The following MICU1 variants were observed in gnomAD, a reference collection of about 807,000 sequenced individuals.
The protein encoded by MICU1 is mitochondrial calcium uptake 1.
A neutral mutation model predicts 56.8 loss-of-function variants in MICU1; 45 were observed. That is an observed-to-expected ratio of 0.79 (90% CI 0.62 to 1.02). MICU1 has a LOEUF of 1.02. MICU1 is among the 50% of genes least tolerant of loss of function. The probability of loss-of-function intolerance (pLI) is 0.00; values close to 1 mark genes in which losing one functional copy is unlikely to be tolerated. For synonymous variants in MICU1, 186 were observed against 195.1 expected, an observed-to-expected ratio of 0.95 and a Z score of 0.39; for missense variants, 504 against 587.1, an observed-to-expected ratio of 0.86 and a Z score of 1.46.
intron 8 of MICU1, among the ~76,000 whole-genome samples, chr10:72,444,951 A>T (rs1865062574): frequency 6.6e-6 from 1 of 152,228 alleles, no homozygotes; most frequent in Non-Finnish European, 1.5e-5. Flanking sequence ...GTGATACTTC[A>T]TTAGAATTGG....
intron 2 of MICU1, among the ~76,000 whole-genome samples, chr10:72,563,913 G>A (rs530874496): frequency 1.6e-4 from 24 of 152,108 alleles, no homozygotes; most frequent in Non-Finnish European, 2.9e-4. Context: ...GAAAAAAATG[G>A]TTAAGATGTA....
intron 1 of MICU1, among the ~76,000 whole-genome samples, chr10:72,621,255 T>TC (rs1842097445): frequency 6.6e-6 from 1 of 152,064 alleles, no homozygotes; most frequent in Non-Finnish European, 1.5e-5. Context: ...CCCAGCACTT[T>TC]GGCTAGCAGA....
At chr10:72,409,238 G>C (rs1863728709) in intron 9 of MICU1, among the ~76,000 whole-genome samples, 1 of 152,184 alleles carries the variant, frequency 6.6e-6, no homozygotes, top group Non-Finnish European at 1.5e-5. Flanking sequence ...CTTCTACTTA[G>C]TGCTGCTCCT....
intron 4 of MICU1, among the ~76,000 whole-genome samples, chr10:72,538,652 C>T (rs918274398): frequency 1.3e-5 from 2 of 151,214 alleles, no homozygotes; most frequent in African/African-American, 2.4e-5. Flanking sequence ...CAAAGGAAGA[C>T]AAAGAAGACA....
chr10:72,563,958 A>C (rs996130886), intron 2 of MICU1, among the ~76,000 whole-genome samples: 1 of 152,204 alleles, frequency 6.6e-6, no homozygotes, highest in Admixed American at 6.5e-5. Flanking sequence ...TACAATAAAA[A>C]GGAACATAAA....
At chr10:72,412,751 C>T (rs28628032) in intron 9 of MICU1, among the ~76,000 whole-genome samples, 10,852 of 149,894 alleles carry the variant, frequency 0.072, 1,327 homozygotes, top group African/African-American at 0.25. Flanking sequence ...CTCAGGAGGC[C>T]GAGGCAGGGG....
chr10:72,621,189 A>G (rs1280255167), intron 1 of MICU1, among the ~76,000 whole-genome samples: 9 of 152,254 alleles, frequency 5.9e-5, no homozygotes, highest in Admixed American at 5.9e-4. Flanking sequence ...TTTATTTTAC[A>G]TACCACGTTC....
intron 3 of MICU1, 69 bp from the exon 4 acceptor site, chr10:72,551,410 C>A: frequency 2.0e-6 from 2 of 1,022,322 alleles, no homozygotes; most frequent in Admixed American, 3.3e-5. Flanking sequence ...TTCTTATCAT[C>A]ACTGCTCATC....
intron 5 of MICU1, among the ~76,000 whole-genome samples, chr10:72,518,016 G>A (rs1867703016): frequency 6.7e-6 from 1 of 149,948 alleles, no homozygotes; most frequent in Non-Finnish European, 1.5e-5. Flanking sequence ...TTATTTTATT[G>A]TGTTGTTTTC....
At position 72,508,217 on chromosome 10, in the gene MICU1, G is replaced by C; in HGVS notation, c.590C>G (p.Thr197Ser). Residue 197 changes from threonine to serine, a missense_variant, in exon 6 of 12, where the codon ACC becomes AGC. Coordinates refer to ENST00000361114, the MANE Select transcript of MICU1 (RefSeq NM_001195518.2). Reference protein sequence around the residue: ...KFADEGSIFYTLGECGLISFS... With the variant: ...KFADEGSIFYSLGECGLISFS... ...GGATATGAGCCCACATTCTCCAAGG[G>C]TGTAAAATATACTGCCTTCATCAGC... The C allele has an allele frequency of 6.5e-7, 1 of 1,547,614 alleles. No homozygotes were observed. The highest frequency in any genetic ancestry group is 2.3e-5 in the East Asian group (1 of 43,862).
At chr10:72,559,347 A>T (rs182045223) in intron 3 of MICU1, among the ~76,000 whole-genome samples, 1 of 152,260 alleles carries the variant, frequency 6.6e-6, no homozygotes, top group East Asian at 1.9e-4. Flanking sequence ...TCTGAAGTAA[A>T]TGCAATATTA....
rs751563776 is a variant in MICU1, at chr10:72,383,939, GGT to G, written c.1181-8069_1181-8068del. Among the ~76,000 whole-genome samples the G allele has an allele frequency of 6.6e-5, 10 of 151,528 alleles. No individual in the cohort carries two copies. The East Asian group carries it at 2.0e-3, about 30-fold the overall frequency. ...AGCCTCCCTAGTAACTGGGACTACA[GGT>G]GTGGATTACCACACCTGGCTAGGTT... On this transcript the variant is annotated intron_variant, in intron 10 of 11. Transcript: ENST00000361114.
intron 5 of MICU1, among the ~76,000 whole-genome samples, chr10:72,523,181 A>G (rs1417894494): frequency 6.6e-6 from 1 of 152,172 alleles, no homozygotes; most frequent in African/African-American, 2.4e-5. Flanking sequence ...GCCGTAAGCC[A>G]TACAATTATT....
In MICU1 at chr10:72,388,438, A is replaced by C. The variant is rs78065036; in HGVS notation, c.1181-12566T>G. Among the ~76,000 whole-genome samples, 909 of 152,354 alleles carry C rather than the reference A, an allele frequency of 6.0e-3. 7 individuals are homozygous for C. Among genetic ancestry groups the C allele is most frequent in the East Asian group, 0.034 (175 of 5,190 alleles). ...ATATGGTTCCAAAGGTAAAGATCACAGATGTGTCTACTAAGGCGTTCCTAT... is the reference window on the plus strand; with the variant it reads ...ATATGGTTCCAAAGGTAAAGATCACCGATGTGTCTACTAAGGCGTTCCTAT... On this transcript the variant is annotated intron_variant, in intron 10 of 11. Transcript: ENST00000361114.
intron 1 of MICU1, among the ~76,000 whole-genome samples, chr10:72,573,872 C>G (rs1840677229): frequency 6.6e-6 from 1 of 152,124 alleles, no homozygotes. Flanking sequence ...GCAAGCTTCC[C>G]TAGTGAGATA....
intron 10 of MICU1, among the ~76,000 whole-genome samples, chr10:72,386,442 A>G (rs949425804): frequency 1.3e-4 from 20 of 152,034 alleles, no homozygotes; most frequent in Non-Finnish European, 2.9e-5. Flanking sequence ...TTAGCCTCCT[A>G]AAGTGCTGGG....
chr10:72,474,258 CAAAAAAAAAA>C lies in MICU1; in HGVS notation c.933+832_933+841del, dbSNP rs55978543. 2.0e-3 allele frequency among the ~76,000 whole-genome samples: 122 copies of C among 60,716 alleles called. 2 individuals carry two copies. The East Asian group carries it at 0.059, about 29-fold the overall frequency. The allele number at this position is 60,716 out of a possible 152,430, so 39.8% of individuals were successfully genotyped here. A position where few individuals can be genotyped will look rare whatever the true frequency, so the allele number is the denominator to read the frequency against. ...CCTGGCTGATGGAGTAGGACTGTCT[CAAAAAAAAAA>C]AAAAAAAAAAAAAAAAAAAGAAGAA... On this transcript the variant is annotated intron_variant, in intron 8 of 11. Transcript: ENST00000361114.
intron 6 of MICU1, among the ~76,000 whole-genome samples, chr10:72,485,568 G>C (rs73280947): frequency 0.054 from 8,031 of 150,070 alleles, 739 homozygotes; most frequent in African/African-American, 0.19. Context: ...AAAAAAAAGA[G>C]AAGACTAAAG....
intron 1 of MICU1, among the ~76,000 whole-genome samples, chr10:72,569,966 G>C (rs1475855395): frequency 6.6e-6 from 1 of 152,110 alleles, no homozygotes; most frequent in Admixed American, 6.6e-5. Context: ...TGTGTTTTGA[G>C]ATGGAGTCTT....
Sources: allele counts gnomAD v4.1 joint callset (sites outside exome capture counted in the v4.1 genomes callset), GRCh38; gene constraint gnomAD v4.1.1; transcripts MANE v1.5; gene names NCBI Gene and HGNC (gene_info 2026-07-23, HGNC 2026-07-21).